The following RSRC1 variants were observed in gnomAD, a reference collection of about 807,000 sequenced individuals.
RSRC1 encodes arginine and serine rich coiled-coil 1, also known as serine/Arginine-related protein 53.
A neutral mutation model predicts 49.1 loss-of-function variants in RSRC1; 39 were observed. The observed-to-expected ratio is 0.79, with a 90% CI of 0.61 to 1.04. The LOEUF (loss-of-function observed/expected upper bound fraction) is 1.04. Among genes scored for constraint, RSRC1 ranks in the 50% least tolerant of loss-of-function variants. RSRC1 has a pLI of 0.00. For missense variants in RSRC1, 388 were observed against 402.4 expected (o/e 0.96, Z 0.31); for synonymous variants, 143 against 130.8 (o/e 1.09, Z -0.63).
At chr3:158,121,340 T>G (rs1285087884) in intron 1 of RSRC1, among the ~76,000 whole-genome samples, 1 of 152,054 alleles carries the variant, frequency 6.6e-6, no homozygotes, top group East Asian at 1.9e-4. Flanking sequence ...CATACAAATG[T>G]GGATGTCTGT....
intron 3 of RSRC1, among the ~76,000 whole-genome samples, chr3:158,200,545 T>G (rs1720983622): frequency 6.6e-6 from 1 of 152,168 alleles, no homozygotes; most frequent in African/African-American, 2.4e-5. Context: ...TTTTATGTCT[T>G]TCCCTTCTTT....
chr3:158,340,519 C>T (rs563084073), intron 5 of RSRC1, among the ~76,000 whole-genome samples: 30 of 151,808 alleles, frequency 2.0e-4, no homozygotes, highest in African/African-American at 6.5e-4. Flanking sequence ...CCAGCCTGGG[C>T]GACAGAGCAA....
intron 3 of RSRC1, among the ~76,000 whole-genome samples, chr3:158,131,673 A>G (rs1716035611): frequency 1.3e-5 from 2 of 152,158 alleles, no homozygotes; most frequent in Admixed American, 6.5e-5. Context: ...TTTTGATTCA[A>G]GATGTCAAAT....
chr3:158,441,492 A>G (rs1736377982), intron 6 of RSRC1, among the ~76,000 whole-genome samples: 1 of 151,962 alleles, frequency 6.6e-6, no homozygotes, highest in African/African-American at 2.4e-5. Context: ...TGCATCCTGG[A>G]TCATGAGGCC....
intron 3 of RSRC1, among the ~76,000 whole-genome samples, chr3:158,200,069 G>T (rs1214703097): frequency 6.6e-6 from 1 of 151,842 alleles, no homozygotes; most frequent in Non-Finnish European, 1.5e-5. Context: ...ACGGAGTCTT[G>T]TTCTGTCACC....
intron 4 of RSRC1, among the ~76,000 whole-genome samples, chr3:158,254,912 GTTGT>G (rs1361366903): frequency 6.6e-6 from 1 of 152,052 alleles, no homozygotes; most frequent in Admixed American, 6.6e-5. Context: ...TTTTGATGGG[GTTGT>G]TTGTTTTTTT....
chr3:158,477,864 GAAGTAAGAATATGAACACCTTTCA>G (rs1560059626), intron 7 of RSRC1, among the ~76,000 whole-genome samples: 3 of 140,898 alleles, frequency 2.1e-5, no homozygotes, highest in African/African-American at 8.2e-5. Flanking sequence ...GAGCAAAGTC[GAAGTAAGAATATGAACACCTTTCA>G]AAGTTAATAC....
At chr3:158,500,209 T>G (rs550875021) in intron 7 of RSRC1, among the ~76,000 whole-genome samples, 1 of 152,360 alleles carries the variant, frequency 6.6e-6, no homozygotes, top group East Asian at 1.9e-4. Context: ...ATCCCTCATA[T>G]GAAACCTACT....
chr3:158,149,586 G>A (rs538993769), intron 3 of RSRC1, among the ~76,000 whole-genome samples: 1 of 152,218 alleles, frequency 6.6e-6, no homozygotes, highest in South Asian at 2.1e-4. Context: ...GTATTTGAGG[G>A]TAAAATATAT....
chr3:158,518,375 A>ATTTT (rs62873061), intron 7 of RSRC1, among the ~76,000 whole-genome samples: 1 of 144,090 alleles, frequency 6.9e-6, no homozygotes, highest in African/African-American at 2.6e-5. Context: ...TTTATAAAAG[A>ATTTT]TTTTTTTTTT....
chr3:158,196,455 G>A lies in RSRC1; in HGVS notation c.321-6617G>A, dbSNP rs1347501777. ...ATCACGTCATCTGCAAACAGGGACA[G>A]TTTGACTTCCTCTTTTCCTAATTGA... On this transcript the variant is annotated intron_variant, in intron 3 of 9. Transcript: ENST00000611884. Among the ~76,000 whole-genome samples, 6 of 152,124 alleles carry A rather than the reference G, an allele frequency of 3.9e-5. No individual in the cohort carries two copies. The South Asian group carries it at 8.3e-4, about 21-fold the overall frequency.
intron 4 of RSRC1, among the ~76,000 whole-genome samples, chr3:158,293,394 A>G (rs952528716): frequency 6.6e-6 from 1 of 152,054 alleles, no homozygotes; most frequent in African/African-American, 2.4e-5. Context: ...CTTTTGGTCC[A>G]TATTTGCCTG....
intron 5 of RSRC1, among the ~76,000 whole-genome samples, chr3:158,308,508 A>G (rs921060120): frequency 6.6e-6 from 1 of 151,942 alleles, no homozygotes; most frequent in Non-Finnish European, 1.5e-5. Context: ...GACCAGGTGC[A>G]TATCTGTTCA....
chr3:158,410,663 C>A (rs1298932416), intron 6 of RSRC1, among the ~76,000 whole-genome samples: 1 of 152,084 alleles, frequency 6.6e-6, no homozygotes, highest in African/African-American at 2.4e-5. Context: ...TCTCTATCAT[C>A]TATCTTTGTA....
intron 5 of RSRC1, among the ~76,000 whole-genome samples, chr3:158,335,989 C>G (rs1729860886): frequency 6.6e-6 from 1 of 152,188 alleles, no homozygotes; most frequent in African/African-American, 2.4e-5. Context: ...CTCAGTCAGG[C>G]TGACTGCCAG....
intron 4 of RSRC1, among the ~76,000 whole-genome samples, chr3:158,257,537 G>A (rs1724635875): frequency 6.6e-6 from 1 of 151,980 alleles, no homozygotes; most frequent in South Asian, 2.1e-4. Context: ...CTTTTTAAGT[G>A]ATGTATGTTT....
At position 158,447,268 on chromosome 3, in the gene RSRC1, T is replaced by G. The variant is rs540861147; in HGVS notation, c.584-13667T>G. ...TGGTCTTAGACTTAAATGATGAGTCTCTCAAATCAGGCAACCAAAATTATG... is the reference window on the plus strand; with the variant it reads ...TGGTCTTAGACTTAAATGATGAGTCGCTCAAATCAGGCAACCAAAATTATG... On this transcript the variant is annotated intron_variant, in intron 6 of 9. Transcript: ENST00000611884. Among the ~76,000 whole-genome samples, 17 of 152,066 alleles carry G rather than the reference T, an allele frequency of 1.1e-4. No individual in the cohort carries two copies. In the South Asian group the frequency reaches 3.3e-3, roughly 30 times the overall value.
chr3:158,137,789 G>T (rs529817001), intron 3 of RSRC1, among the ~76,000 whole-genome samples: 1 of 151,814 alleles, frequency 6.6e-6, no homozygotes, highest in East Asian at 1.9e-4. Context: ...GAGTAGCTGG[G>T]ATTACAGGCG....
chr3:158,383,018 A>G (rs1037825618), intron 6 of RSRC1, among the ~76,000 whole-genome samples: 8 of 152,164 alleles, frequency 5.3e-5, no homozygotes, highest in African/African-American at 1.9e-4. Flanking sequence ...CAGATTAATT[A>G]GAGTAAATTA....
Sources: gnomAD v4.1 joint callset for allele counts (sites outside exome capture counted in the v4.1 genomes callset) on GRCh38, gnomAD v4.1.1 for gene constraint, MANE v1.5 for transcripts, NCBI Gene and HGNC (gene_info 2026-07-23, HGNC 2026-07-21) for gene names.